Variants in QTGAL observed in about 807,000 individuals in gnomAD.
QTGAL encodes the protein BGnT-like protein 1.
the QTGAL span, chr17:82,981,058 C>T: frequency 6.6e-6 from 1 of 152,118 alleles, no homozygotes; most frequent in Admixed American, 6.5e-5. Context: ...CTTCAGAAAC[C>T]AAGGACAAAA....
the QTGAL span, among the ~76,000 whole-genome samples, chr17:82,997,960 TAG>T: frequency 4.8e-5 from 7 of 147,002 alleles, no homozygotes; most frequent in African/African-American, 1.5e-4. Flanking sequence ...TATATCTATC[TAG>T]ATCTATCTAT....
chr17:82,963,447 G>T, the QTGAL span, among the ~76,000 whole-genome samples: 1 of 152,198 alleles, frequency 6.6e-6, no homozygotes, highest in African/African-American at 2.4e-5. Context: ...ATGAAGTCCA[G>T]CAGAGAAAAC....
At chr17:83,025,187 C>T in the QTGAL span, among the ~76,000 whole-genome samples, 15 of 122,896 alleles carry the variant, frequency 1.2e-4, no homozygotes, top group East Asian at 7.4e-4. Flanking sequence ...ACGGACACCG[C>T]GGAGAGTCCA....
At chr17:82,960,639 C>T in the QTGAL span, among the ~76,000 whole-genome samples, 2 of 152,172 alleles carry the variant, frequency 1.3e-5, no homozygotes, top group African/African-American at 4.8e-5. Flanking sequence ...GCACTGGGCG[C>T]GTCCTCACTG....
At chr17:82,968,323 G>A in the QTGAL span, among the ~76,000 whole-genome samples, 1 of 149,030 alleles carries the variant, frequency 6.7e-6, no homozygotes, top group African/African-American at 2.4e-5. Context: ...GAGTCCAGTG[G>A]AGCCCTCACC....
At chr17:83,016,774 GGGAGGAGGGAGGAA>G in the QTGAL span, among the ~76,000 whole-genome samples, 5 of 151,606 alleles carry the variant, frequency 3.3e-5, no homozygotes, top group Admixed American at 6.6e-5. Context: ...GATGGAAGGA[GGGAGGAGGGAGGAA>G]GGAGGAGGAG....
At chr17:83,040,951 A>C in the QTGAL span, among the ~76,000 whole-genome samples, 2 of 152,040 alleles carry the variant, frequency 1.3e-5, no homozygotes, top group Admixed American at 6.6e-5. Flanking sequence ...CTGTAGTCCC[A>C]GCTACTTGGG....
the QTGAL span, among the ~76,000 whole-genome samples, chr17:83,024,827 G>C: frequency 2.6e-5 from 4 of 152,250 alleles, no homozygotes; most frequent in African/African-American, 7.2e-5. Flanking sequence ...CTGTGGCCAC[G>C]GGGCCTGGGC....
At chr17:82,977,622 A>G in the QTGAL span, among the ~76,000 whole-genome samples, 6 of 151,894 alleles carry the variant, frequency 4.0e-5, no homozygotes, top group African/African-American at 1.5e-4. Context: ...ACCGCTGGTG[A>G]CTCCCACTTC....
the QTGAL span, among the ~76,000 whole-genome samples, chr17:83,040,050 G>A: frequency 1.3e-5 from 2 of 152,328 alleles, no homozygotes; most frequent in East Asian, 3.9e-4. Flanking sequence ...AAGTCCACTA[G>A]AAAGTGGGGT....
At chr17:82,987,684 T>C in the QTGAL span, among the ~76,000 whole-genome samples, 4 of 152,242 alleles carry the variant, frequency 2.6e-5, no homozygotes, top group African/African-American at 9.6e-5. Context: ...ACTTGTAGTA[T>C]AGTTTGAAGT....
the QTGAL span, among the ~76,000 whole-genome samples, chr17:82,994,554 T>C: frequency 3.3e-5 from 5 of 152,120 alleles, no homozygotes; most frequent in African/African-American, 1.2e-4. Context: ...AAAGTCATAA[T>C]ACAAAGTCTC....
chr17:83,026,721 A>AC, the QTGAL span, among the ~76,000 whole-genome samples: 7 of 96,278 alleles, frequency 7.3e-5, no homozygotes, highest in East Asian at 3.4e-4. Flanking sequence ...CACGCAGAGG[A>AC]GGGCAGGAAG....
the QTGAL span, among the ~76,000 whole-genome samples, chr17:82,958,924 GGT>G: frequency 2.9e-3 from 121 of 41,102 alleles, 12 homozygotes; most frequent in African/African-American, 6.9e-3. Flanking sequence ...GGGGGTGTAT[GGT>G]GTGTGTGTGT....
At chr17:82,996,912 C>T in the QTGAL span, among the ~76,000 whole-genome samples, 9 of 152,188 alleles carry the variant, frequency 5.9e-5, no homozygotes, top group African/African-American at 2.2e-4. Context: ...GGATTAAAGA[C>T]TTACATTTAA....
At chr17:82,974,984 C>A in the QTGAL span, among the ~76,000 whole-genome samples, 1 of 108,270 alleles carries the variant, frequency 9.2e-6, no homozygotes, top group African/African-American at 5.0e-5. Context: ...GAGTCAGGGC[C>A]CCGGGACAGA....
chr17:82,997,228 C>T, the QTGAL span, among the ~76,000 whole-genome samples: 3 of 152,174 alleles, frequency 2.0e-5, no homozygotes, highest in African/African-American at 2.4e-5. Flanking sequence ...TAAATGTGGG[C>T]AAAAGATCTG....
At chr17:83,033,760 C>G in the QTGAL span, among the ~76,000 whole-genome samples, 1 of 151,998 alleles carries the variant, frequency 6.6e-6, no homozygotes, top group Non-Finnish European at 1.5e-5. Context: ...CGTGAGCCAC[C>G]GCGCCCGGCC....
At chr17:83,014,465 G>A in the QTGAL span, 1 of 1,613,988 alleles carries the variant, frequency 6.2e-7, no homozygotes, top group African/African-American at 1.3e-5. Flanking sequence ...CTCGACGGGT[G>A]CTGAACGGCA....
Sources: allele counts gnomAD v4.1 joint callset (sites outside exome capture counted in the v4.1 genomes callset), GRCh38; gene constraint gnomAD v4.1.1; transcripts MANE v1.5; gene names NCBI Gene and HGNC (gene_info 2026-07-23, HGNC 2026-07-21).